Variants in TADA2A observed in about 807,000 individuals in gnomAD.
The protein encoded by TADA2A is transcriptional adapter 2-alpha.
A neutral mutation model predicts 67.4 loss-of-function variants in TADA2A; 38 were observed. That is an observed-to-expected ratio of 0.56 (90% CI 0.44 to 0.74). The LOEUF is 0.74. Ranked by LOEUF, TADA2A falls within the 30% of genes least tolerant of loss-of-function variation. The pLI is 0.00. For missense variants in TADA2A, 454 were observed against 547.0 expected (o/e 0.83, Z 1.70); for synonymous variants, 192 against 181.6 (o/e 1.06, Z -0.46).
intron 2 of TADA2A, among the ~76,000 whole-genome samples, chr17:37,416,801 G>A (rs1349284165): frequency 6.6e-6 from 1 of 151,526 alleles, no homozygotes; most frequent in Non-Finnish European, 1.5e-5. Flanking sequence ...GGAGGCAGAA[G>A]TTGCAGTGAG....
At chr17:37,428,626 G>A (rs2052477783) in intron 4 of TADA2A, among the ~76,000 whole-genome samples, 1 of 152,136 alleles carries the variant, frequency 6.6e-6, no homozygotes. Flanking sequence ...CTATCACCCA[G>A]GCTAAAGAGC....
intron 2 of TADA2A, among the ~76,000 whole-genome samples, chr17:37,415,583 A>G (rs1242905087): frequency 6.6e-6 from 1 of 152,010 alleles, no homozygotes; most frequent in Non-Finnish European, 1.5e-5. Flanking sequence ...CACCAGTGAT[A>G]CGTAAGAGTG....
intron 5 of TADA2A, among the ~76,000 whole-genome samples, chr17:37,439,384 G>A (rs1187981216): frequency 1.3e-5 from 2 of 152,142 alleles, no homozygotes; most frequent in African/African-American, 4.8e-5. Context: ...CCAGGCTCAA[G>A]TGATCCTCCC....
chr17:37,464,775 G>T (rs2053624922), intron 10 of TADA2A, among the ~76,000 whole-genome samples: 1 of 148,158 alleles, frequency 6.7e-6, no homozygotes, highest in Non-Finnish European at 1.5e-5. Flanking sequence ...GGAGGCAGAG[G>T]TTACAGTGAG....
In TADA2A at chr17:37,463,224, G is replaced by T. The variant is rs192074023; in HGVS notation, c.712+1103G>T. ...CATAGAGGCTTCCACAACTAAGAAG[G>T]ATGATGTCATAATAACAATCACAAT... On this transcript the variant is annotated intron_variant, in intron 10 of 15. Coordinates refer to ENST00000615182, the MANE Select transcript of TADA2A (RefSeq NM_001166105.3). 1.5e-4 allele frequency among the ~76,000 whole-genome samples: 23 copies of T among 152,190 alleles called. No individual in the cohort carries two copies. The South Asian group carries it at 1.9e-3, about 12-fold the overall frequency.
chr17:37,439,171 CA>C lies in TADA2A; in HGVS notation c.285-1333del, dbSNP rs1177534269. Among the ~76,000 whole-genome samples the C allele has an allele frequency of 1.8e-4, 28 of 152,244 alleles. 1 individual carries two copies. Among genetic ancestry groups the C allele is most frequent in the Admixed American group, 1.8e-3 (27 of 15,266 alleles). ...AGGCTGAAATGCAGTGGTGTGATCACAGTCACTATAACCCCGAACTCCTGGG... is the reference window on the plus strand; with the variant it reads ...AGGCTGAAATGCAGTGGTGTGATCACGTCACTATAACCCCGAACTCCTGGG... On this transcript the variant is annotated intron_variant, in intron 5 of 15. Coordinates refer to ENST00000615182, the MANE Select transcript of TADA2A (RefSeq NM_001166105.3).
Position 37,470,619 on chromosome 17 carries a change from GTAA to G in TADA2A, c.1028+95_1028+97del, listed in dbSNP as rs974157153. 6 of 1,350,970 alleles carry G rather than the reference GTAA, an allele frequency of 4.4e-6. No individual in the cohort carries two copies. The African/African-American group carries it at 7.5e-5, about 17-fold the overall frequency. 83.7% of individuals were successfully genotyped at this position (1,350,970 alleles called of 1,614,324 possible). ...ATTTTTGGGCACCCTAGATGGCAGAGTAATAATAATTGAGTAGCTGGAAGAATT... is the reference window on the plus strand; with the variant it reads ...ATTTTTGGGCACCCTAGATGGCAGAGTAATAATTGAGTAGCTGGAAGAATT... On this transcript the variant is annotated intron_variant, in intron 13 of 15. Transcript: ENST00000615182.
chr17:37,414,297 A>G (rs2051972437), intron 2 of TADA2A, among the ~76,000 whole-genome samples: 1 of 152,120 alleles, frequency 6.6e-6, no homozygotes, highest in Admixed American at 6.6e-5. Context: ...GATTATTCCA[A>G]ATTTGGCCAC....
At chr17:37,473,403 G>T (rs1163328642) in intron 14 of TADA2A, among the ~76,000 whole-genome samples, 1 of 152,096 alleles carries the variant, frequency 6.6e-6, no homozygotes, top group Non-Finnish European at 1.5e-5. Flanking sequence ...TGGCATCTTT[G>T]ATTGTAGCCT....
chr17:37,462,192 G>T, intron 10 of TADA2A, 71 bp downstream of exon 10: 2 of 1,056,252 alleles, frequency 1.9e-6, no homozygotes, highest in South Asian at 1.5e-5. Flanking sequence ...AATAAATCAC[G>T]TATTGTAGTT....
At chr17:37,431,095 G>A (rs1454240362) in intron 4 of TADA2A, among the ~76,000 whole-genome samples, 2 of 151,930 alleles carry the variant, frequency 1.3e-5, no homozygotes, top group Non-Finnish European at 2.9e-5. Context: ...CTAAGTGCCT[G>A]TGTAATCTGA....
At chr17:37,461,792 A>G (rs1237076484) in intron 9 of TADA2A, 1 of 271,796 alleles carries the variant, frequency 3.7e-6, no homozygotes, top group Non-Finnish European at 6.9e-6. Flanking sequence ...AGTGACAGAC[A>G]TGTGTTTTTC....
intron 4 of TADA2A, among the ~76,000 whole-genome samples, chr17:37,431,349 G>T (rs1039642126): frequency 3.3e-5 from 5 of 151,180 alleles, no homozygotes; most frequent in Non-Finnish European, 7.4e-5. Flanking sequence ...TCCCAAGAGG[G>T]TTATGAATTT....
intron 3 of TADA2A, among the ~76,000 whole-genome samples, chr17:37,426,070 G>T (rs924722011): frequency 5.9e-5 from 9 of 151,882 alleles, no homozygotes; most frequent in African/African-American, 2.2e-4. Flanking sequence ...GACCTCCTGG[G>T]CTCAATGATC....
intron 14 of TADA2A, 52 bp downstream of exon 14, chr17:37,471,189 G>T (rs1304341439): frequency 1.9e-6 from 3 of 1,580,670 alleles, no homozygotes; most frequent in Non-Finnish European, 2.6e-6. Flanking sequence ...TTGCATCGTA[G>T]GGGTTATAGT....
chr17:37,418,853 T>C (rs1033015550), intron 2 of TADA2A, among the ~76,000 whole-genome samples: 12 of 151,708 alleles, frequency 7.9e-5, no homozygotes, highest in Non-Finnish European at 1.5e-4. Flanking sequence ...CCTCCCAAAG[T>C]GCTGGGATTA....
intron 15 of TADA2A, among the ~76,000 whole-genome samples, chr17:37,475,664 C>T (rs1256127604): frequency 2.0e-5 from 3 of 152,082 alleles, no homozygotes; most frequent in Non-Finnish European, 4.4e-5. Context: ...CGGGGTTTCA[C>T]CTTGTTAGCC....
At chr17:37,424,358 CTTT>C (rs1222178749) in intron 3 of TADA2A, among the ~76,000 whole-genome samples, 5 of 142,572 alleles carry the variant, frequency 3.5e-5, no homozygotes, top group Admixed American at 7.0e-5. Context: ...GCAGGAGAAT[CTTT>C]TTTTTTTTTT....
Position 37,440,578 on chromosome 17 carries a change from A to T in TADA2A, c.358A>T (p.Asn120Tyr), listed in dbSNP as rs1194930466. The change falls in exon 6 of 16, where the codon AAT becomes TAT. Residue 120 changes from asparagine to tyrosine, a missense_variant. By Grantham distance (143) the Asn-to-Tyr change is moderately radical (BLOSUM62 -2). This residue lies in a region of TADA2A where 403 missense variants were observed against 455.5 expected (regional missense o/e 0.88). Coordinates refer to ENST00000615182, the MANE Select transcript of TADA2A (RefSeq NM_001166105.3). Reference protein sequence around the residue: ...CEKHYMKHFINNPLFASTLLN... With the variant: ...CEKHYMKHFIYNPLFASTLLN... ...GAAGCACTATATGAAGCATTTCATC[A>T]ATAACCCTCTGTTTGCATCTACCCT... 3 of 1,614,020 alleles carry T rather than the reference A, an allele frequency of 1.9e-6. No homozygotes were observed. The highest frequency in any genetic ancestry group is 2.7e-5 in the African/African-American group (2 of 74,914).
Sources: gnomAD v4.1 joint callset for allele counts (sites outside exome capture counted in the v4.1 genomes callset) on GRCh38, gnomAD v4.1.1 for gene constraint, gnomAD v4.1.1 regional missense constraint, MANE v1.5 for transcripts, NCBI Gene and HGNC (gene_info 2026-07-23, HGNC 2026-07-21) for gene names.